The following TMEM135 variants were observed in gnomAD, a reference collection of about 807,000 sequenced individuals.
TMEM135 encodes the protein peroxisomal membrane protein 52.
Under a neutral mutation model 60.3 loss-of-function variants are expected in TMEM135, and 30 were observed. The ratio of observed to expected loss-of-function variants is 0.50; its 90% CI spans 0.37 to 0.68. The LOEUF is 0.68. Among genes scored for constraint, TMEM135 ranks in the 30% least tolerant of loss-of-function variants. TMEM135 has a pLI of 0.00. For synonymous variants in TMEM135, 190 were observed against 186.7 expected (o/e 1.02, Z -0.14); for missense variants, 468 against 548.8 (o/e 0.85, Z 1.47).
At chr11:87,173,965 T>C (rs1939306345) in intron 5 of TMEM135, among the ~76,000 whole-genome samples, 1 of 152,184 alleles carries the variant, frequency 6.6e-6, no homozygotes, top group Non-Finnish European at 1.5e-5. Flanking sequence ...CAAATTCTGC[T>C]GATCATGTTT....
At chr11:87,189,979 G>A (rs138428309) in intron 5 of TMEM135, among the ~76,000 whole-genome samples, 1 of 152,136 alleles carries the variant, frequency 6.6e-6, no homozygotes, top group East Asian at 1.9e-4. Flanking sequence ...AAAATCATTT[G>A]GAAAGGCCAA....
intron 9 of TMEM135, among the ~76,000 whole-genome samples, chr11:87,307,600 A>T (rs1233501984): frequency 1.3e-5 from 2 of 152,200 alleles, no homozygotes; most frequent in Non-Finnish European, 2.9e-5. Context: ...TCCAAGCAAT[A>T]AAAAACTAGT....
intron 1 of TMEM135, among the ~76,000 whole-genome samples, chr11:87,060,801 C>G (rs946099877): frequency 4.6e-5 from 7 of 152,006 alleles, no homozygotes; most frequent in African/African-American, 1.7e-4. Flanking sequence ...CACCACCACG[C>G]CTGGCTAATT....
At chr11:87,163,857 T>G (rs1938960746) in intron 5 of TMEM135, among the ~76,000 whole-genome samples, 1 of 143,950 alleles carries the variant, frequency 6.9e-6, no homozygotes, top group Non-Finnish European at 1.5e-5. Flanking sequence ...TGTCTGTTCA[T>G]GTCCTTCGCC....
chr11:87,326,635 C>A lies in TMEM135; in HGVS notation c.*5302C>A, dbSNP rs1276803627. On this transcript the variant is annotated 3_prime_UTR_variant, in exon 15 of 15. Transcript: ENST00000305494. Reference sequence around the variant, plus strand: ...CTATTCTTTTCTTTACCTTTCCTGGCCCATGCTTTCCTGCCATATCTTTGC... The same window carrying A: ...CTATTCTTTTCTTTACCTTTCCTGGACCATGCTTTCCTGCCATATCTTTGC... 6.6e-6 allele frequency: 3 copies of A among 454,022 alleles called. No homozygotes were observed. Among genetic ancestry groups the A allele is most frequent in the African/African-American group, 2.0e-5 (1 of 50,088 alleles). 28.1% of individuals were successfully genotyped at this position (454,022 alleles called of 1,614,324 possible).
chr11:87,309,760 T>C, intron 10 of TMEM135, 88 bp downstream of exon 10: 1 of 1,378,574 alleles, frequency 7.3e-7, no homozygotes, highest in Non-Finnish European at 1.0e-6. Context: ...CACTTATTTT[T>C]TAATGCTTCT....
At chr11:87,314,921 G>C (rs1942701643) in intron 12 of TMEM135, among the ~76,000 whole-genome samples, 1 of 151,674 alleles carries the variant, frequency 6.6e-6, no homozygotes, top group Admixed American at 6.6e-5. Flanking sequence ...AAGAATAAAG[G>C]CTAAAGGCTT....
At chr11:87,042,046 C>T (rs10898584) in intron 1 of TMEM135, among the ~76,000 whole-genome samples, 13,081 of 152,266 alleles carry the variant, frequency 0.086, 619 homozygotes, top group East Asian at 0.17. Context: ...TGACAGGAGG[C>T]CGATGGATTA....
At chr11:87,226,090 A>T (rs1041366916) in intron 5 of TMEM135, among the ~76,000 whole-genome samples, 16 of 152,270 alleles carry the variant, frequency 1.1e-4, no homozygotes, top group African/African-American at 3.6e-4. Flanking sequence ...ATTTTTAATT[A>T]TAATGACTTA....
chr11:87,205,352 T>G (rs1940211330), intron 5 of TMEM135, among the ~76,000 whole-genome samples: 1 of 152,192 alleles, frequency 6.6e-6, no homozygotes, highest in Non-Finnish European at 1.5e-5. Flanking sequence ...TGTAGATACT[T>G]GAGTAAGCAT....
At chr11:87,089,646 G>A (rs1352478746) in intron 3 of TMEM135, among the ~76,000 whole-genome samples, 1 of 152,106 alleles carries the variant, frequency 6.6e-6, no homozygotes, top group Non-Finnish European at 1.5e-5. Context: ...TTCTTCATAT[G>A]TAACCAGCTT....
chr11:87,212,574 C>T (rs549445667), intron 5 of TMEM135, among the ~76,000 whole-genome samples: 1 of 152,138 alleles, frequency 6.6e-6, no homozygotes, highest in African/African-American at 2.4e-5. Flanking sequence ...ATAATTCCAG[C>T]ACTTTGGGAG....
intron 5 of TMEM135, among the ~76,000 whole-genome samples, chr11:87,189,375 G>C (rs915762165): frequency 1.3e-5 from 2 of 152,016 alleles, no homozygotes; most frequent in African/African-American, 4.8e-5. Context: ...TGGCCAGGCT[G>C]GTCTCAAACT....
intron 5 of TMEM135, chr11:87,157,789 T>C (rs1938742414): frequency 5.7e-6 from 1 of 175,170 alleles, no homozygotes; most frequent in Non-Finnish European, 1.2e-5. Flanking sequence ...GTTGAACATT[T>C]ACTACACGTG....
chr11:87,126,938 T>C (rs1219748015), intron 4 of TMEM135, among the ~76,000 whole-genome samples: 8 of 152,144 alleles, frequency 5.3e-5, no homozygotes, highest in African/African-American at 1.9e-4. Flanking sequence ...TTAGGGGGAA[T>C]GATTAAGAAT....
intron 6 of TMEM135, among the ~76,000 whole-genome samples, chr11:87,283,586 C>T (rs890456477): frequency 1.8e-4 from 23 of 131,276 alleles, no homozygotes; most frequent in African/African-American, 5.2e-4. Context: ...GGGCTGGGTG[C>T]GGTGGCTCAC....
chr11:87,236,586 A>AC (rs2135373677), intron 5 of TMEM135, 52 bp from the exon 6 acceptor site: 3 of 1,539,988 alleles, frequency 1.9e-6, no homozygotes, highest in Non-Finnish European at 2.7e-6. Flanking sequence ...GAGTCACTCA[A>AC]ATGGTGATGT....
chr11:87,062,847 A>G (rs911277254), intron 1 of TMEM135, among the ~76,000 whole-genome samples: 3 of 152,212 alleles, frequency 2.0e-5, no homozygotes, highest in Admixed American at 6.5e-5. Flanking sequence ...TATTTAGTAA[A>G]TGAGGAGATT....
At chr11:87,261,906 T>G (rs566900189) in intron 6 of TMEM135, among the ~76,000 whole-genome samples, 72 of 152,334 alleles carry the variant, frequency 4.7e-4, no homozygotes, top group Middle Eastern at 3.4e-3. Flanking sequence ...ATTGTGGACA[T>G]GAGCCATCAG....
Sources: gnomAD v4.1 joint callset for allele counts (sites outside exome capture counted in the v4.1 genomes callset) on GRCh38, gnomAD v4.1.1 for gene constraint, MANE v1.5 for transcripts, NCBI Gene and HGNC (gene_info 2026-07-23, HGNC 2026-07-21) for gene names.